The following MYO1F variants were observed in gnomAD, a reference collection of about 807,000 sequenced individuals.
The protein encoded by MYO1F is unconventional myosin-If.
In MYO1F, 60 loss-of-function variants were observed where a neutral mutation model predicts 146.6. The observed-to-expected ratio is 0.41, with a 90% CI of 0.33 to 0.51. The LOEUF (loss-of-function observed/expected upper bound fraction) is 0.51, where lower values mean the gene tolerates loss of function less well. Ranked by LOEUF, MYO1F falls within the 20% of genes least tolerant of loss-of-function variation. The probability of loss-of-function intolerance (pLI) is 0.25; values close to 1 mark genes in which losing one functional copy is unlikely to be tolerated. For missense variants in MYO1F, 1,274 were observed against 1,534.3 expected (o/e 0.83, Z 2.83); for synonymous variants, 602 against 602.1 (o/e 1.00, Z 0.00).
chr19:8,559,819 G>A (rs532432141), intron 1 of MYO1F, among the ~76,000 whole-genome samples: 4 of 151,598 alleles, frequency 2.6e-5, no homozygotes, highest in South Asian at 2.1e-4. Flanking sequence ...GCGTGGTGGC[G>A]CACGCCTGTA....
chr19:8,573,173 T>C (rs2042141355), intron 1 of MYO1F, among the ~76,000 whole-genome samples: 1 of 151,918 alleles, frequency 6.6e-6, no homozygotes, highest in African/African-American at 2.4e-5. Context: ...TAGCCAGGCA[T>C]GGTGGCGGGC....
Position 8,550,220 on chromosome 19 carries a change from G to A in MYO1F, c.1041C>T (p.Ala347=). ...INVTLNVEQA[A]YTRDALAKGL... Reference sequence around the variant, plus strand: ...CCTTGGCCAGGGCATCACGGGTGTAGGCTGCCTGCTCCACGTTGAGGGTCA... The same window carrying A: ...CCTTGGCCAGGGCATCACGGGTGTAAGCTGCCTGCTCCACGTTGAGGGTCA... The change falls in exon 10 of 28, where the codon GCC becomes GCT. Residue 347 remains alanine (A), a synonymous_variant. Transcript: ENST00000644032. 1 of 1,614,212 alleles carries A rather than the reference G, an allele frequency of 6.2e-7. No individual in the cohort carries two copies. Among genetic ancestry groups the A allele is most frequent in the Non-Finnish European group, 8.5e-7 (1 of 1,180,054 alleles).
intron 19 of MYO1F, among the ~76,000 whole-genome samples, chr19:8,532,728 C>A (rs113135093): frequency 0.018 from 2,664 of 151,954 alleles, 34 homozygotes; most frequent in African/African-American, 0.037. Flanking sequence ...TCTACAAAAA[C>A]TAAGCAAAAA....
rs73002701 is a variant in MYO1F, at chr19:8,523,016, A to T, written c.2855-187T>A. Among the ~76,000 whole-genome samples the T allele has an allele frequency of 0.047, 6,974 of 146,996 alleles. 219 individuals are homozygous for T. Among genetic ancestry groups the T allele is most frequent in the Non-Finnish European group, 0.069 (4,564 of 66,604 alleles). On this transcript the variant is annotated intron_variant, in intron 25 of 27. Coordinates refer to ENST00000644032, the MANE Select transcript of MYO1F (RefSeq NM_012335.4). Reference sequence around the variant, plus strand: ...CTAGACAGAAGCTTTTTTAAGCATAATTTTAAAATTATTTTTTACTTTTTT... The same window carrying T: ...CTAGACAGAAGCTTTTTTAAGCATATTTTTAAAATTATTTTTTACTTTTTT...
Sources: allele counts gnomAD v4.1 joint callset (sites outside exome capture counted in the v4.1 genomes callset), GRCh38; gene constraint gnomAD v4.1.1; transcripts MANE v1.5; gene names NCBI Gene and HGNC (gene_info 2026-07-23, HGNC 2026-07-21).